NEK7: variants seen among roughly 807,000 people sequenced by gnomAD.
NEK7 encodes NIMA related kinase 7.
NEK7 carries 18 observed loss-of-function variants against 44.6 expected under a neutral mutation model. The observed-to-expected ratio is 0.40, with a 90% CI of 0.28 to 0.60. The LOEUF is 0.60. NEK7 is among the 20% of genes least tolerant of loss of function. NEK7 has a pLI of 0.38. For missense variants in NEK7, 256 were observed against 366.5 expected (o/e 0.70, Z 2.46); for synonymous variants, 130 against 121.1 (o/e 1.07, Z -0.48).
chr1:198,248,504 A>G (rs1001027743), intron 2 of NEK7, among the ~76,000 whole-genome samples: 1 of 152,168 alleles, frequency 6.6e-6, no homozygotes, highest in African/African-American at 2.4e-5. Flanking sequence ...GTATTTGGGT[A>G]AGCCGTTTGA....
chr1:198,168,154 A>T (rs1027130252), intron 1 of NEK7, among the ~76,000 whole-genome samples: 5 of 152,090 alleles, frequency 3.3e-5, no homozygotes, highest in African/African-American at 1.2e-4. Context: ...GTCCAGGTGT[A>T]TTTTTTTATT....
At chr1:198,312,363 A>T (rs1417323234) in intron 9 of NEK7, among the ~76,000 whole-genome samples, 1 of 150,226 alleles carries the variant, frequency 6.7e-6, no homozygotes, top group African/African-American at 2.5e-5. Context: ...CAGTCTATCA[A>T]TTTTGTTGAT....
intron 9 of NEK7, among the ~76,000 whole-genome samples, chr1:198,301,069 A>G (rs1448663024): frequency 6.6e-6 from 1 of 152,240 alleles, no homozygotes; most frequent in African/African-American, 2.4e-5. Flanking sequence ...AAACTCTAAA[A>G]TAGTAAATAG....
chr1:198,163,739 CT>C (rs896828754), intron 1 of NEK7, among the ~76,000 whole-genome samples: 1 of 152,048 alleles, frequency 6.6e-6, no homozygotes, highest in Non-Finnish European at 1.5e-5. Flanking sequence ...AATTGACTTC[CT>C]TTGTTCTCAT....
chr1:198,283,519 C>T (rs750149591), intron 7 of NEK7, among the ~76,000 whole-genome samples: 24 of 151,954 alleles, frequency 1.6e-4, no homozygotes, highest in Middle Eastern at 3.4e-3. Context: ...TGTTTTTACA[C>T]GAAGTTATGT....
chr1:198,289,460 A>G (rs1271019189), intron 7 of NEK7, among the ~76,000 whole-genome samples: 4 of 152,146 alleles, frequency 2.6e-5, no homozygotes, highest in African/African-American at 7.2e-5. Flanking sequence ...AGATCAGCTC[A>G]TCTTTCTCAT....
intron 1 of NEK7, among the ~76,000 whole-genome samples, chr1:198,167,215 C>T (rs1397354391): frequency 1.3e-5 from 2 of 152,186 alleles, no homozygotes; most frequent in Non-Finnish European, 2.9e-5. Context: ...TATGTGTTTT[C>T]GCTTGTGTCT....
At chr1:198,217,644 A>T (rs1486348130) in intron 1 of NEK7, among the ~76,000 whole-genome samples, 1 of 152,070 alleles carries the variant, frequency 6.6e-6, no homozygotes, top group Non-Finnish European at 1.5e-5. Context: ...AGGAAGCCAA[A>T]CTATCTCTGT....
At chr1:198,309,090 G>GT (rs1014222126) in intron 9 of NEK7, among the ~76,000 whole-genome samples, 7 of 152,142 alleles carry the variant, frequency 4.6e-5, no homozygotes, top group African/African-American at 1.7e-4. Flanking sequence ...TATGTGAAGG[G>GT]TACACTGGGG....
intron 8 of NEK7, among the ~76,000 whole-genome samples, chr1:198,296,400 G>C (rs1030233098): frequency 6.6e-6 from 1 of 152,132 alleles, no homozygotes; most frequent in Non-Finnish European, 1.5e-5. Context: ...TGTCAAGTTA[G>C]AACCTTGTCT....
At position 198,297,113 on chromosome 1, in the gene NEK7, G is replaced by A. The variant is rs1471744858; in HGVS notation, c.685-14G>A. The A allele has an allele frequency of 5.2e-6, 8 of 1,533,612 alleles. No homozygotes were observed. In the South Asian group the frequency reaches 9.0e-5, roughly 17 times the overall value. The stretch of plus-strand genomic sequence containing the variant: ...CCATCTAACTATATCAGTTTCATTG[G>A]GGGCATTTTACAGATGGCTGCATTA... On this transcript the variant is annotated splice_polypyrimidine_tract_variant and intron_variant, in intron 8 of 9. Coordinates refer to ENST00000367385, the MANE Select transcript of NEK7 (RefSeq NM_133494.3).
intron 3 of NEK7, among the ~76,000 whole-genome samples, chr1:198,257,699 A>G (rs1160150183): frequency 6.6e-6 from 1 of 152,214 alleles, no homozygotes; most frequent in Non-Finnish European, 1.5e-5. Context: ...TTGGTAAATT[A>G]ATGTTAGTTT....
rs1407627980 is a variant in NEK7, at chr1:198,253,146, T to C, written c.164T>C (p.Leu55Ser). The C allele has an allele frequency of 1.2e-6, 2 of 1,611,098 alleles. No individual in the cohort carries two copies. The highest frequency in any genetic ancestry group is 2.2e-5 in the South Asian group (2 of 90,832). The change falls in exon 3 of 10, where the codon TTG (leucine) becomes TCG (serine). Residue 55 changes from leucine to serine, a missense_variant. This residue lies in a region of NEK7 where 96 missense variants were observed against 94.9 expected (regional missense o/e 1.01). Coordinates refer to ENST00000367385, the MANE Select transcript of NEK7 (RefSeq NM_133494.3). The stretch of plus-strand genomic sequence containing the variant: ...GAAGTTTATAGAGCAGCCTGTCTCT[T>C]GGATGGAGTACCAGTAGCTTTAAAA... ...FSEVYRAACL[L>S]DGVPVALKKV...
chr1:198,219,929 T>G (rs368255912), intron 1 of NEK7, among the ~76,000 whole-genome samples: 2 of 92,216 alleles, frequency 2.2e-5, no homozygotes, highest in East Asian at 5.7e-4. Flanking sequence ...TGTGCTTTTT[T>G]GGGGCGGGGG....
intron 3 of NEK7, among the ~76,000 whole-genome samples, chr1:198,259,222 A>T (rs1228830726): frequency 1.3e-5 from 2 of 152,076 alleles, no homozygotes; most frequent in African/African-American, 4.8e-5. Flanking sequence ...TTCTATCTTG[A>T]TATGTTGTAT....
intron 2 of NEK7, among the ~76,000 whole-genome samples, chr1:198,240,388 C>T (rs1431170516): frequency 6.6e-6 from 1 of 151,606 alleles, no homozygotes; most frequent in Non-Finnish European, 1.5e-5. Context: ...TCTATTTGAA[C>T]AGTCTGTTCA....
At chr1:198,221,159 A>T (rs1297133697) in intron 1 of NEK7, 1 of 152,078 alleles carries the variant, frequency 6.6e-6, no homozygotes, top group Non-Finnish European at 1.5e-5. Context: ...TCAATAATTC[A>T]TTTTAGGGAA....
chr1:198,249,325 G>A (rs1239022970), intron 2 of NEK7, among the ~76,000 whole-genome samples: 2 of 152,084 alleles, frequency 1.3e-5, no homozygotes, highest in Non-Finnish European at 2.9e-5. Flanking sequence ...AGTCTTTGCT[G>A]TTGGGAATAG....
At chr1:198,226,900 G>A (rs930984204) in intron 1 of NEK7, among the ~76,000 whole-genome samples, 7 of 151,812 alleles carry the variant, frequency 4.6e-5, no homozygotes, top group Non-Finnish European at 1.0e-4. Context: ...TAAGTTTTAG[G>A]GTACATATAC....
Sources: allele counts gnomAD v4.1 joint callset (sites outside exome capture counted in the v4.1 genomes callset), GRCh38; gene constraint gnomAD v4.1.1; regional missense constraint gnomAD v4.1.1; transcripts MANE v1.5; gene names NCBI Gene and HGNC (gene_info 2026-07-23, HGNC 2026-07-21).